SFMBT2: variants seen among roughly 807,000 people sequenced by gnomAD.
The protein encoded by SFMBT2 is Scm like with four mbt domains 2, also known as scm-like with four MBT domains protein 2.
A neutral mutation model predicts 110.1 loss-of-function variants in SFMBT2; 38 were observed. That is an observed-to-expected ratio of 0.35 (90% CI 0.27 to 0.45). The LOEUF (loss-of-function observed/expected upper bound fraction) is 0.45. Among genes scored for constraint, SFMBT2 ranks in the 20% least tolerant of loss-of-function variants. The pLI is 1.00. For missense variants in SFMBT2, 1,011 were observed against 1,094.9 expected (o/e 0.92, Z 1.08); for synonymous variants, 425 against 425.4 (o/e 1.00, Z 0.01).
intron 4 of SFMBT2, among the ~76,000 whole-genome samples, chr10:7,309,521 T>C (rs1842790135): frequency 6.6e-6 from 1 of 152,180 alleles, no homozygotes; most frequent in Non-Finnish European, 1.5e-5. Context: ...GGATAGAAGA[T>C]AGCTGGCACA....
At chr10:7,184,480 T>G (rs185892489) in intron 16 of SFMBT2, among the ~76,000 whole-genome samples, 2 of 152,170 alleles carry the variant, frequency 1.3e-5, no homozygotes, top group Admixed American at 6.5e-5. Context: ...TGAGTCCATT[T>G]AACCTTTTTT....
intron 20 of SFMBT2, chr10:7,164,394 CA>C: frequency 3.0e-6 from 3 of 984,018 alleles, no homozygotes; most frequent in Non-Finnish European, 2.4e-6. Context: ...TAAACAACAA[CA>C]AAAAACAACA....
At chr10:7,244,108 A>G in intron 8 of SFMBT2, 1 of 639,138 alleles carries the variant, frequency 1.6e-6, no homozygotes. Flanking sequence ...AACTCTTTAC[A>G]CCAGATCACT....
intron 7 of SFMBT2, chr10:7,249,015 G>A (rs913487706): frequency 6.5e-6 from 4 of 616,818 alleles, no homozygotes; most frequent in African/African-American, 6.0e-5. Flanking sequence ...CAGGTCTCTT[G>A]CTACTGGAGT....
intron 11 of SFMBT2, chr10:7,215,630 G>C (rs1839509757): frequency 2.0e-6 from 2 of 985,218 alleles, no homozygotes; most frequent in South Asian, 9.4e-5. Context: ...CACATCCATG[G>C]AGGCAGGGCC....
intron 10 of SFMBT2, among the ~76,000 whole-genome samples, chr10:7,224,838 T>C (rs1839853344): frequency 6.6e-6 from 1 of 152,264 alleles, no homozygotes; most frequent in Non-Finnish European, 1.5e-5. Flanking sequence ...AACAGGTTCC[T>C]GTAAGTAACA....
intron 9 of SFMBT2, chr10:7,228,236 T>C: frequency 1.2e-5 from 3 of 260,642 alleles, no homozygotes; most frequent in Non-Finnish European, 1.8e-5. Context: ...TGAGCCAGGA[T>C]ATGGCATAAA....
intron 16 of SFMBT2, 169 bp from the exon 17 acceptor site, chr10:7,176,334 T>C (rs1332044725): frequency 1.9e-6 from 1 of 529,606 alleles, no homozygotes; most frequent in Non-Finnish European, 2.4e-6. Context: ...TTATAAGAAG[T>C]GCTCACTAGT....
At chr10:7,341,002 T>G (rs1263103213) in intron 4 of SFMBT2, among the ~76,000 whole-genome samples, 22 of 152,230 alleles carry the variant, frequency 1.4e-4, no homozygotes, top group Non-Finnish European at 4.4e-5. Context: ...AAATGCCAGT[T>G]TCAAAGCACC....
In SFMBT2 at chr10:7,203,030, A is replaced by C. The variant is rs376654142; in HGVS notation, c.1445-508T>G. ...GGTCAAATATTGACATAAATGAGCA[A>C]ATAGTGATTTCTTTGGATAAGAACA... On this transcript the variant is annotated intron_variant, in intron 12 of 20. Coordinates refer to ENST00000397167, the MANE Select transcript of SFMBT2 (RefSeq NM_001387889.1). 2.9e-5 allele frequency: 29 copies of C among 985,446 alleles called. No individual in the cohort carries two copies. The African/African-American group carries it at 4.2e-4, about 14-fold the overall frequency. 61.0% of individuals were successfully genotyped at this position (985,446 alleles called of 1,614,324 possible). A position where few individuals can be genotyped will look rare whatever the true frequency, so the allele number is the denominator to read the frequency against.
intron 4 of SFMBT2, among the ~76,000 whole-genome samples, chr10:7,324,850 G>A (rs1843327755): frequency 6.6e-6 from 1 of 152,076 alleles, no homozygotes; most frequent in South Asian, 2.1e-4. Flanking sequence ...GAGGCGGAGG[G>A]AGAGTGCATA....
intron 11 of SFMBT2, among the ~76,000 whole-genome samples, chr10:7,216,986 G>A (rs375400219): frequency 2.6e-5 from 4 of 152,162 alleles, no homozygotes; most frequent in Non-Finnish European, 5.9e-5. Context: ...CCAGGTCTAT[G>A]AGGACCAAAA....
At chr10:7,333,259 T>A (rs1162272808) in intron 4 of SFMBT2, among the ~76,000 whole-genome samples, 1 of 152,194 alleles carries the variant, frequency 6.6e-6, no homozygotes, top group Non-Finnish European at 1.5e-5. Flanking sequence ...AAATAAAATA[T>A]GGGTAGAAAA....
At chr10:7,176,706 G>T (rs1838066986) in intron 16 of SFMBT2, 1 of 156,094 alleles carries the variant, frequency 6.4e-6, no homozygotes, top group African/African-American at 2.4e-5. Flanking sequence ...TGATAGGTAA[G>T]CAAGGTCACA....
intron 2 of SFMBT2, among the ~76,000 whole-genome samples, 162 bp downstream of exon 2, chr10:7,381,637 A>C (rs1052552062): frequency 5.3e-5 from 8 of 152,184 alleles, no homozygotes; most frequent in African/African-American, 1.9e-4. Flanking sequence ...ATCTTGACCC[A>C]AATTTTAGAG....
intron 3 of SFMBT2, 98 bp downstream of exon 3, chr10:7,370,183 C>T: frequency 1.8e-6 from 2 of 1,098,464 alleles, no homozygotes; most frequent in South Asian, 1.3e-5. Context: ...TTCCCTCTTT[C>T]CTCTGCCCTT....
At chr10:7,349,440 C>CTTTTTT (rs369479041) in intron 4 of SFMBT2, among the ~76,000 whole-genome samples, 487 of 46,868 alleles carry the variant, frequency 0.01, 94 homozygotes, top group African/African-American at 0.033. Flanking sequence ...CTTTTCTTTT[C>CTTTTTT]TTTTTTTTTT....
chr10:7,248,414 G>A (rs1377566343), intron 8 of SFMBT2, 134 bp downstream of exon 8: 4 of 698,806 alleles, frequency 5.7e-6, no homozygotes, highest in African/African-American at 3.6e-5. Flanking sequence ...TGGAAGGGCG[G>A]CAATCTTCCT....
At position 7,406,989 on chromosome 10, in the gene SFMBT2, G is replaced by GA. The variant is rs532441200; in HGVS notation, c.-52+3871_-52+3872insT. On this transcript the variant is annotated intron_variant, in intron 1 of 20. Coordinates refer to ENST00000397167, the MANE Select transcript of SFMBT2 (RefSeq NM_001387889.1). ...GGTGGGGACCTAGAGGGTTGGCGGG[G>GA]GGGGAGGGAAGTGGAGAAGTGCGTG... 4.2e-4 allele frequency among the ~76,000 whole-genome samples: 62 copies of GA among 146,892 alleles called. 1 individual carries two copies. The highest frequency in any genetic ancestry group is 1.5e-3 in the African/African-American group (62 of 41,082).
Sources: allele counts gnomAD v4.1 joint callset (sites outside exome capture counted in the v4.1 genomes callset), GRCh38; gene constraint gnomAD v4.1.1; transcripts MANE v1.5; gene names NCBI Gene and HGNC (gene_info 2026-07-23, HGNC 2026-07-21).